Variants in ASCC2 observed in about 807,000 individuals in gnomAD.
The protein encoded by ASCC2 is ASC-1 complex subunit P100.
In ASCC2, 42 loss-of-function variants were observed where a neutral mutation model predicts 93.5. The ratio of observed to expected loss-of-function variants is 0.45; its 90% CI spans 0.35 to 0.58. The LOEUF (loss-of-function observed/expected upper bound fraction) is 0.58, where lower values mean the gene tolerates loss of function less well. ASCC2 is among the 20% of genes least tolerant of loss of function. The pLI, the probability that ASCC2 is intolerant of heterozygous loss-of-function variation, is 0.00. For missense variants in ASCC2, 859 were observed against 977.6 expected (o/e 0.88, Z 1.62); for synonymous variants, 364 against 384.2 (o/e 0.95, Z 0.62).
chr22:29,831,262 A>G (rs1333601577), intron 2 of ASCC2, among the ~76,000 whole-genome samples: 5 of 152,256 alleles, frequency 3.3e-5, no homozygotes, highest in South Asian at 2.1e-4. Flanking sequence ...TATAGCAGAA[A>G]GAATTTAAGG....
chr22:29,789,258 C>T (rs2068567572), intron 19 of ASCC2, 74 bp from the exon 20 acceptor site: 3 of 1,560,992 alleles, frequency 1.9e-6, no homozygotes, highest in East Asian at 2.2e-5. Context: ...CCACAGCCTG[C>T]CTTGGTGTTC....
chr22:29,814,710 G>A lies in ASCC2; in HGVS notation c.667C>T (p.Pro223Ser). Residue 223 changes from proline (P) to serine (S), a missense_variant, in exon 7 of 20, where the codon CCC becomes TCC. Coordinates refer to ENST00000307790, the MANE Select transcript of ASCC2 (RefSeq NM_032204.5). The part of the protein sequence containing the change: ...GLQGDGANTT[P>S]QKLEERGRLT... ...CGGCCCCTCTCCTCAAGCTTCTGGGGTGTGGTATTGGCCCCGTCCCCTTGC... is the reference window on the plus strand; with the variant it reads ...CGGCCCCTCTCCTCAAGCTTCTGGGATGTGGTATTGGCCCCGTCCCCTTGC... 6.2e-7 allele frequency: 1 copy of A among 1,608,276 alleles called. No homozygotes were observed. Among genetic ancestry groups the A allele is most frequent in the South Asian group, 1.1e-5 (1 of 89,888 alleles).
Position 29,804,626 on chromosome 22 carries a change from TCAGA to T in ASCC2, c.1353+8_1353+11del, listed in dbSNP as rs1306615101. 1 of 1,612,534 alleles carries T rather than the reference TCAGA, an allele frequency of 6.2e-7. No homozygotes were observed. The highest frequency in any genetic ancestry group is 8.5e-7 in the Non-Finnish European group (1 of 1,178,848). On this transcript the variant is annotated splice_region_variant and intron_variant, in intron 13 of 19. Transcript: ENST00000307790. Reference sequence around the variant, plus strand: ...ACAAGCGAAGAGGGAAAAGCGCCACTCAGACACATACCTCCTCTTCCTCCGAGTT... The same window carrying T: ...ACAAGCGAAGAGGGAAAAGCGCCACTCACATACCTCCTCTTCCTCCGAGTT...
chr22:29,815,766 CTCTG>C (rs933294135), intron 6 of ASCC2, among the ~76,000 whole-genome samples: 2 of 152,244 alleles, frequency 1.3e-5, no homozygotes, highest in Non-Finnish European at 1.5e-5. Flanking sequence ...GCAAGCCAAA[CTCTG>C]TCTGTATGAG....
intron 13 of ASCC2, 129 bp downstream of exon 13, chr22:29,804,509 G>C (rs2059450394): frequency 9.1e-7 from 1 of 1,101,706 alleles, no homozygotes; most frequent in African/African-American, 1.6e-5. Flanking sequence ...GCTTGAGGCT[G>C]TCTATTCCCC....
At chr22:29,830,904 C>T (rs959206555) in intron 2 of ASCC2, among the ~76,000 whole-genome samples, 1 of 152,188 alleles carries the variant, frequency 6.6e-6, no homozygotes. Context: ...TCTAACAACC[C>T]ACATGTTCAT....
At chr22:29,830,259 C>T (rs1000774251) in intron 2 of ASCC2, among the ~76,000 whole-genome samples, 2 of 152,198 alleles carry the variant, frequency 1.3e-5, no homozygotes. Flanking sequence ...CTATTATTAT[C>T]GCTTTTGGAT....
chr22:29,806,747 G>A (rs79701596), intron 10 of ASCC2, 50 bp downstream of exon 10: 2 of 1,531,892 alleles, frequency 1.3e-6, no homozygotes, highest in Non-Finnish European at 9.0e-7. Flanking sequence ...CGCTCCTGAA[G>A]GGCTTGGGGA....
intron 6 of ASCC2, among the ~76,000 whole-genome samples, chr22:29,815,628 G>T (rs970137095): frequency 6.6e-6 from 1 of 151,920 alleles, no homozygotes; most frequent in African/African-American, 2.4e-5. Context: ...TTTATTTTCC[G>T]AATTTTCTAC....
chr22:29,789,497 C>T (rs2068642085), intron 19 of ASCC2, among the ~76,000 whole-genome samples: 1 of 152,208 alleles, frequency 6.6e-6, no homozygotes, highest in South Asian at 2.1e-4. Context: ...GGTGGGTCTC[C>T]TCCTTTCTCC....
At chr22:29,814,571 T>A in intron 7 of ASCC2, 86 bp downstream of exon 7, 1 of 1,163,924 alleles carries the variant, frequency 8.6e-7, no homozygotes, top group Non-Finnish European at 1.2e-6. Context: ...GGTCCTCTAC[T>A]GGGGCAATCT....
intron 2 of ASCC2, among the ~76,000 whole-genome samples, chr22:29,829,180 A>T (rs560339321): frequency 1.3e-5 from 2 of 152,238 alleles, no homozygotes; most frequent in South Asian, 4.1e-4. Context: ...ACCTCAAAAA[A>T]AAAATTCCCT....
At chr22:29,810,527 G>C (rs1303716857) in intron 8 of ASCC2, among the ~76,000 whole-genome samples, 4 of 152,218 alleles carry the variant, frequency 2.6e-5, no homozygotes, top group Non-Finnish European at 4.4e-5. Context: ...AGAGAGGGCA[G>C]TTTGGCCTAA....
Position 29,804,933 on chromosome 22 carries a change from C to T in ASCC2, c.1161-103G>A, listed in dbSNP as rs1054299690. On this transcript the variant is annotated intron_variant, in intron 12 of 19. Coordinates refer to ENST00000307790, the MANE Select transcript of ASCC2 (RefSeq NM_032204.5). Reference sequence around the variant, plus strand: ...CTGACCACATGGTTCCTGCCAGGGGCTTTCTGGGCTATATCTAAGTGGTAT... The same window carrying T: ...CTGACCACATGGTTCCTGCCAGGGGTTTTCTGGGCTATATCTAAGTGGTAT... 9 of 1,313,302 alleles carry T rather than the reference C, an allele frequency of 6.9e-6. No homozygotes were observed. In the African/African-American group the frequency reaches 1.2e-4, roughly 17 times the overall value. 81.4% of individuals were successfully genotyped at this position (1,313,302 alleles called of 1,614,324 possible).
chr22:29,820,263 C>A (rs1236404401), intron 5 of ASCC2, among the ~76,000 whole-genome samples: 1 of 151,982 alleles, frequency 6.6e-6, no homozygotes, highest in Non-Finnish European at 1.5e-5. Flanking sequence ...CCTGGGTTAA[C>A]ACGATTCTCC....
chr22:29,821,111 C>T (rs547384579), intron 5 of ASCC2, among the ~76,000 whole-genome samples: 5 of 152,088 alleles, frequency 3.3e-5, no homozygotes, highest in East Asian at 1.9e-4. Context: ...TTCACTGGGG[C>T]GCTCCCTCTG....
chr22:29,812,060 G>A (rs1049382715), intron 8 of ASCC2, among the ~76,000 whole-genome samples: 2 of 152,170 alleles, frequency 1.3e-5, no homozygotes, highest in Non-Finnish European at 2.9e-5. Context: ...ACATTCTCTG[G>A]GAGGCTCAAT....
At chr22:29,837,188 T>C (rs1306960304) in intron 1 of ASCC2, among the ~76,000 whole-genome samples, 1 of 151,412 alleles carries the variant, frequency 6.6e-6, no homozygotes, top group Non-Finnish European at 1.5e-5. Context: ...CCCAGCGCTT[T>C]GGGAGGCCAA....
At chr22:29,792,162 A>G (rs1349172054) in intron 18 of ASCC2, among the ~76,000 whole-genome samples, 3 of 151,724 alleles carry the variant, frequency 2.0e-5, no homozygotes, top group Non-Finnish European at 2.9e-5. Flanking sequence ...CCTTCTCCTG[A>G]CTCCTAGGCT....
Sources: allele counts gnomAD v4.1 joint callset (sites outside exome capture counted in the v4.1 genomes callset), GRCh38; gene constraint gnomAD v4.1.1; transcripts MANE v1.5; gene names NCBI Gene and HGNC (gene_info 2026-07-23, HGNC 2026-07-21).